PHF20: variants seen among roughly 807,000 people sequenced by gnomAD.
The protein encoded by PHF20 is glioma-expressed antigen 2.
PHF20 carries 23 observed loss-of-function variants against 113.5 expected under a neutral mutation model. That is an observed-to-expected ratio of 0.20 (90% CI 0.15 to 0.29). The LOEUF (loss-of-function observed/expected upper bound fraction) is 0.29, where lower values mean the gene tolerates loss of function less well. PHF20 is among the 10% of genes least tolerant of loss of function. The pLI, the probability that PHF20 is intolerant of heterozygous loss-of-function variation, is 1.00. For synonymous variants in PHF20, 434 were observed against 457.3 expected, an observed-to-expected ratio of 0.95 and a Z score of 0.65; for missense variants, 943 against 1,219.6, an observed-to-expected ratio of 0.77 and a Z score of 3.38.
intron 8 of PHF20, 44 bp downstream of exon 8, chr20:35,871,178 A>G (rs2054415004): frequency 2.1e-6 from 3 of 1,447,000 alleles, no homozygotes; most frequent in South Asian, 1.2e-5. Context: ...CCTGGTTCCT[A>G]TTTAGTGAGA....
At chr20:35,941,118 A>AC in intron 17 of PHF20, 71 bp downstream of exon 17, 2 of 1,297,768 alleles carry the variant, frequency 1.5e-6, no homozygotes, top group Non-Finnish European at 2.2e-6. Context: ...TGCTTTCTGA[A>AC]CCCCCCAGTC....
At chr20:35,916,916 C>T (rs552867785) in intron 12 of PHF20, among the ~76,000 whole-genome samples, 4 of 152,248 alleles carry the variant, frequency 2.6e-5, no homozygotes, top group Admixed American at 1.3e-4. Flanking sequence ...CGTGCATCAC[C>T]GTGCCCAGCT....
At chr20:35,905,419 A>T (rs1041509431) in intron 10 of PHF20, among the ~76,000 whole-genome samples, 29 of 152,148 alleles carry the variant, frequency 1.9e-4, no homozygotes, top group Admixed American at 1.5e-3. Context: ...TTTGGCAATA[A>T]TTAAGTTTAA....
intron 9 of PHF20, among the ~76,000 whole-genome samples, chr20:35,881,539 T>TA (rs373064389): frequency 0.12 from 12,853 of 109,152 alleles, 697 homozygotes; most frequent in Middle Eastern, 0.19. Context: ...AGACTCTGTC[T>TA]AAAAAAAAAA....
At position 35,939,094 on chromosome 20, in the gene PHF20, C is replaced by T. The variant is rs758054043; in HGVS notation, c.2698C>T (p.Pro900Ser). ...DRSKGDSDPK[P>S]GSPKVKEYVS... is the part of the protein sequence containing the mutation. ...GAGCAAGGGGGACAGTGACCCCAAA[C>T]CCGGCTCCCCAAAGGTATGTGGCTG... The change falls in exon 16 of 18, where the codon CCC becomes TCC. Residue 900 changes from proline to serine, a missense_variant. Coordinates refer to ENST00000374012, the MANE Select transcript of PHF20 (RefSeq NM_016436.5). 8.1e-6 allele frequency: 13 copies of T among 1,606,296 alleles called. No homozygotes were observed. Among genetic ancestry groups the T allele is most frequent in the Non-Finnish European group, 1.7e-6 (2 of 1,175,394 alleles).
intron 13 of PHF20, among the ~76,000 whole-genome samples, chr20:35,919,208 G>T (rs1032348677): frequency 2.0e-5 from 3 of 151,672 alleles, no homozygotes; most frequent in African/African-American, 7.3e-5. Context: ...GTAGAGAAGC[G>T]GTTTCTCCAT....
chr20:35,865,388 C>T (rs979958203), intron 6 of PHF20, among the ~76,000 whole-genome samples: 22 of 149,732 alleles, frequency 1.5e-4, no homozygotes, highest in African/African-American at 5.4e-4. Flanking sequence ...GTAGTCCCAG[C>T]GATTCCAGAG....
At chr20:35,936,206 T>C (rs1220630756) in intron 15 of PHF20, among the ~76,000 whole-genome samples, 1 of 152,224 alleles carries the variant, frequency 6.6e-6, no homozygotes, top group African/African-American at 2.4e-5. Flanking sequence ...AAGTTAACAA[T>C]GACTCCCATT....
chr20:35,868,809 G>A (rs549919938), intron 6 of PHF20, among the ~76,000 whole-genome samples: 3 of 152,124 alleles, frequency 2.0e-5, no homozygotes, highest in African/African-American at 4.8e-5. Context: ...ACAAATTCTC[G>A]GCTGGGTCTC....
chr20:35,856,685 T>A (rs1157040918), intron 4 of PHF20, among the ~76,000 whole-genome samples: 1 of 152,196 alleles, frequency 6.6e-6, no homozygotes. Context: ...TCGGGGGTAA[T>A]CATTAGTAGC....
At chr20:35,883,168 T>TCCTA (rs1274991413) in intron 9 of PHF20, among the ~76,000 whole-genome samples, 1 of 152,104 alleles carries the variant, frequency 6.6e-6, no homozygotes, top group African/African-American at 2.4e-5. Flanking sequence ...TGAGCTATGA[T>TCCTA]CCTACCACTG....
rs117556692 is a variant in PHF20, at chr20:35,939,682, C to G, written c.2712+574C>G. 5.1e-3 allele frequency among the ~76,000 whole-genome samples: 781 copies of G among 152,248 alleles called. 8 individuals are homozygous for G. Among genetic ancestry groups the G allele is most frequent in the Middle Eastern group, 0.01 (3 of 294 alleles). Reference sequence around the variant, plus strand: ...AGAACCCCCTTGTATCACCTCGTTGCCGGTGTTTTCATCTCTAACTGCTCA... The same window carrying G: ...AGAACCCCCTTGTATCACCTCGTTGGCGGTGTTTTCATCTCTAACTGCTCA... On this transcript the variant is annotated intron_variant, in intron 16 of 17. Transcript: ENST00000374012.
At chr20:35,822,678 A>T (rs1269447776) in intron 2 of PHF20, among the ~76,000 whole-genome samples, 1 of 150,306 alleles carries the variant, frequency 6.7e-6, no homozygotes, top group African/African-American at 2.4e-5. Context: ...TACAAAAAAT[A>T]AAACAAATTA....
At position 35,947,844 on chromosome 20, in the gene PHF20, C is replaced by T. The variant is rs2056114177; in HGVS notation, c.*217C>T. On this transcript the variant is annotated 3_prime_UTR_variant, in exon 18 of 18. Coordinates refer to ENST00000374012, the MANE Select transcript of PHF20 (RefSeq NM_016436.5). The stretch of plus-strand genomic sequence containing the variant: ...GCCTGCCATAAAGGTAGCAAATAGA[C>T]TCTTGGGATTCCCCTCTTCTGTGCA... The T allele has an allele frequency of 1.9e-6, 1 of 529,920 alleles. No individual in the cohort carries two copies. Among genetic ancestry groups the T allele is most frequent in the African/African-American group, 1.9e-5 (1 of 52,846 alleles). 32.8% of individuals were successfully genotyped at this position (529,920 alleles called of 1,614,324 possible). A position where few individuals can be genotyped will look rare whatever the true frequency, so the allele number is the denominator to read the frequency against.
intron 13 of PHF20, among the ~76,000 whole-genome samples, chr20:35,920,425 TTA>T (rs2055490380): frequency 6.6e-6 from 1 of 152,196 alleles, no homozygotes; most frequent in Non-Finnish European, 1.5e-5. Context: ...GAGTAGTGAT[TTA>T]AAGTTTCTGG....
intron 12 of PHF20, 37 bp downstream of exon 12, chr20:35,914,234 A>G (rs904464631): frequency 2.5e-6 from 4 of 1,592,318 alleles, no homozygotes; most frequent in Non-Finnish European, 3.4e-6. Flanking sequence ...TTTGCTGATC[A>G]TTTATTGGAA....
chr20:35,799,230 C>T (rs1257148333), intron 1 of PHF20, among the ~76,000 whole-genome samples: 2 of 121,878 alleles, frequency 1.6e-5, no homozygotes, highest in Non-Finnish European at 3.2e-5. Context: ...GAGGCCCAGG[C>T]GGGAGGATTG....
intron 9 of PHF20, among the ~76,000 whole-genome samples, chr20:35,882,955 G>T (rs886732329): frequency 6.6e-6 from 1 of 151,546 alleles, no homozygotes; most frequent in Non-Finnish European, 1.5e-5. Flanking sequence ...TTGAGCGTGG[G>T]AGGCGGAGGT....
intron 9 of PHF20, among the ~76,000 whole-genome samples, chr20:35,890,566 A>G (rs1212034921): frequency 6.6e-6 from 1 of 152,158 alleles, no homozygotes; most frequent in Non-Finnish European, 1.5e-5. Context: ...ATAATATTCA[A>G]GTAACCTCTT....
Sources: gnomAD v4.1 joint callset for allele counts (sites outside exome capture counted in the v4.1 genomes callset) on GRCh38, gnomAD v4.1.1 for gene constraint, MANE v1.5 for transcripts, NCBI Gene and HGNC (gene_info 2026-07-23, HGNC 2026-07-21) for gene names.